SYNM: variants seen among roughly 807,000 people sequenced by gnomAD.
SYNM encodes the protein desmuslin.
A neutral mutation model predicts 104.0 loss-of-function variants in SYNM; 95 were observed. That is an observed-to-expected ratio of 0.91 (90% CI 0.77 to 1.08). The LOEUF (loss-of-function observed/expected upper bound fraction) is 1.08, where lower values mean the gene tolerates loss of function less well. SYNM is among the 50% of genes least tolerant of loss of function. SYNM has a pLI of 0.00. For synonymous variants in SYNM, 918 were observed against 869.0 expected, an observed-to-expected ratio of 1.06 and a Z score of -0.99; for missense variants, 2,150 against 2,052.2, an observed-to-expected ratio of 1.05 and a Z score of -0.92.
chr15:99,129,840 G>C lies in SYNM; in HGVS notation c.1480G>C (p.Val494Leu). ...SESTRSNERT[V>L]ILGKKTEVKA... ...AAGCACACGGTCAAATGAGAGGACCGTCATTCTGGGAAAGAAAACAGAAGT... is the reference window on the plus strand; with the variant it reads ...AAGCACACGGTCAAATGAGAGGACCCTCATTCTGGGAAAGAAAACAGAAGT... The change falls in exon 4 of 4, where the codon GTC becomes CTC. Residue 494 changes from valine to leucine, a missense_variant. Val to Leu is a conservative substitution (Grantham distance 32). Coordinates refer to ENST00000336292, the MANE Select transcript of SYNM (RefSeq NM_145728.3). 4.3e-6 allele frequency: 7 copies of C among 1,613,590 alleles called. No individual in the cohort carries two copies. The highest frequency in any genetic ancestry group is 5.9e-6 in the Non-Finnish European group (7 of 1,179,818).
chr15:99,125,492 G>A (rs1670229), intron 2 of SYNM, among the ~76,000 whole-genome samples: 18,739 of 152,248 alleles, frequency 0.12, 1,283 homozygotes, highest in East Asian at 0.28. Flanking sequence ...CAGTCACTGC[G>A]CCGGGGCAGG....
rs782032860 is a variant in SYNM, at chr15:99,105,896, G to A, written c.697G>A (p.Glu233Lys). 12 of 1,535,856 alleles carry A rather than the reference G, an allele frequency of 7.8e-6. No homozygotes were observed. The East Asian group carries it at 2.5e-4, about 32-fold the overall frequency. ...AEEETRLCAQEAEALRREALG... is the reference protein window; with the variant it reads ...AEEETRLCAQKAEALRREALG... The stretch of plus-strand genomic sequence containing the variant: ...GGAAGAGACGCGGCTGTGCGCGCAG[G>A]AGGCAGAGGCGCTGCGGCGCGAGGC... Residue 233 changes from glutamate to lysine, a missense_variant, in exon 1 of 4, where the codon GAG becomes AAG. Physicochemically the swap from Glu to Lys is moderately conservative, Grantham distance 56. Coordinates refer to ENST00000336292, the MANE Select transcript of SYNM (RefSeq NM_145728.3).
At position 99,105,885 on chromosome 15, in the gene SYNM, T is replaced by C. The variant is rs1264088985; in HGVS notation, c.686T>C (p.Leu229Pro). The C allele has an allele frequency of 9.7e-6, 15 of 1,538,588 alleles. No individual in the cohort carries two copies. The African/African-American group carries it at 1.9e-4, about 20-fold the overall frequency. ...CTCCAGGCGGAGGAAGAGACGCGGCTGTGCGCGCAGGAGGCAGAGGCGCTG... is the reference window on the plus strand; with the variant it reads ...CTCCAGGCGGAGGAAGAGACGCGGCCGTGCGCGCAGGAGGCAGAGGCGCTG... ...SRLQAEEETR[L>P]CAQEAEALRR... The change falls in exon 1 of 4, where the codon CTG becomes CCG. Residue 229 changes from leucine to proline, a missense_variant. Transcript: ENST00000336292.
chr15:99,113,076 A>T (rs1194009628), intron 1 of SYNM, among the ~76,000 whole-genome samples: 1 of 152,222 alleles, frequency 6.6e-6, no homozygotes, highest in Non-Finnish European at 1.5e-5. Flanking sequence ...TTCTCCCCAG[A>T]TGATCTTAAA....
downstream of SYNM, chr15:99,139,349 C>CAG: frequency 6.2e-7 from 1 of 1,613,862 alleles, no homozygotes. Flanking sequence ...GCTGGGTGGC[C>CAG]AGAGTCCTTT....
At position 99,131,269 on chromosome 15, in the gene SYNM, C is replaced by T. The variant is rs781789534; in HGVS notation, c.2909C>T (p.Ala970Val). Reference protein sequence around the residue: ...LPERMREELSALTREGQGGPG... With the variant: ...LPERMREELSVLTREGQGGPG... ...GAGCGCATGAGGGAGGAGCTGTCCG[C>T]CCTCACCAGAGAGGGGCAGGGTGGG... is the stretch of plus-strand genomic sequence containing the variant. Residue 970 changes from alanine to valine, a missense_variant, in exon 4 of 4, where the codon GCC becomes GTC. By Grantham distance (64) the Ala-to-Val change is moderately conservative (BLOSUM62 0). Coordinates refer to ENST00000336292, the MANE Select transcript of SYNM (RefSeq NM_145728.3). The surrounding 1 kb of genome is among the most constrained non-coding windows in gnomAD (Gnocchi z 4.3). 1.6e-5 allele frequency: 26 copies of T among 1,611,512 alleles called. No homozygotes were observed. The highest frequency in any genetic ancestry group is 5.3e-5 in the African/African-American group (4 of 74,894).
At chr15:99,119,925 C>A (rs1443434786) in intron 2 of SYNM, among the ~76,000 whole-genome samples, 1 of 152,216 alleles carries the variant, frequency 6.6e-6, no homozygotes, top group Non-Finnish European at 1.5e-5. Flanking sequence ...ATCTTACTTT[C>A]TGATGCATTC....
chr15:99,134,305 T>G lies in SYNM; in HGVS notation c.*1247T>G, dbSNP rs2067542227. Reference sequence around the variant, plus strand: ...GCCTGGGGGGCGAGAAAGGCCCCCATGCTCATGGGCCGCGGAGTGTGGACC... The same window carrying G: ...GCCTGGGGGGCGAGAAAGGCCCCCAGGCTCATGGGCCGCGGAGTGTGGACC... On this transcript the variant is annotated 3_prime_UTR_variant, in exon 4 of 4. Transcript: ENST00000336292. The G allele has an allele frequency of 6.6e-6, 1 of 151,372 alleles. No homozygotes were observed. Among genetic ancestry groups the G allele is most frequent in the Non-Finnish European group, 1.5e-5 (1 of 67,924 alleles). 9.4% of individuals were successfully genotyped at this position (151,372 alleles called of 1,614,324 possible).
rs782099454 is a variant in SYNM at position 99,130,488 on chromosome 15, A to G, written c.2128A>G (p.Lys710Glu). 1 of 1,613,784 alleles carries G rather than the reference A, an allele frequency of 6.2e-7. No individual in the cohort carries two copies. Among genetic ancestry groups the G allele is most frequent in the Non-Finnish European group, 8.5e-7 (1 of 1,179,890 alleles). Residue 710 changes from lysine (K) to glutamate (E), a missense_variant, in exon 4 of 4, where the codon AAG (lysine) becomes GAG (glutamate). Transcript: ENST00000336292. ...DEAGLDYLLS[K>E]DIKEVGLKGK... is the part of the protein sequence containing the mutation. ...AGCTGGCCTGGACTACCTTTTAAGC[A>G]AGGATATTAAGGAAGTGGGGCTGAA...
intron 3 of SYNM, among the ~76,000 whole-genome samples, chr15:99,127,124 C>G (rs1306582088): frequency 6.6e-6 from 1 of 152,178 alleles, no homozygotes; most frequent in Non-Finnish European, 1.5e-5. Context: ...GACACTCCTT[C>G]CATTTCCAGA....
rs1318127188 is a variant in SYNM, at chr15:99,105,301, C to G, written c.102C>G (p.Arg34=). 1.3e-6 allele frequency: 2 copies of G among 1,548,812 alleles called. No homozygotes were observed. The highest frequency in any genetic ancestry group is 1.7e-6 in the Non-Finnish European group (2 of 1,147,806). The change falls in exon 1 of 4, where the codon CGC becomes CGG. Residue 34 remains arginine, a synonymous_variant. Transcript: ENST00000336292. ...DYVCRVRELE[R]ENLLLEEELR... ...TGTGTCGGGTGCGGGAGCTGGAGCG[C>G]GAAAACCTACTCCTGGAGGAGGAGC...
At position 99,134,903 on chromosome 15, in the gene SYNM, G is replaced by A. The variant is rs1284202618; in HGVS notation, c.*1845G>A. 1 of 152,234 alleles carries A rather than the reference G, an allele frequency of 6.6e-6. No homozygotes were observed. The highest frequency in any genetic ancestry group is 2.4e-5 in the African/African-American group (1 of 41,446). The allele number at this position is 152,234 out of a possible 1,614,324, so 9.4% of individuals were successfully genotyped here. On this transcript the variant is annotated 3_prime_UTR_variant, in exon 4 of 4. Transcript: ENST00000336292. Reference sequence around the variant, plus strand: ...GGTATGGAGGTGACTGCTTTGTAAGGTTTTGTCGTTTCTAATACAGACAGA... The same window carrying A: ...GGTATGGAGGTGACTGCTTTGTAAGATTTTGTCGTTTCTAATACAGACAGA...
chr15:99,139,716 C>A (rs1396221413), downstream of SYNM: 8 of 1,355,746 alleles, frequency 5.9e-6, no homozygotes, highest in Admixed American at 1.6e-4. Context: ...GCTCCAGTTT[C>A]TATTTTTAAA....
downstream of SYNM, chr15:99,137,155 T>C (rs2067655136): frequency 6.6e-6 from 1 of 152,330 alleles, no homozygotes; most frequent in Non-Finnish European, 1.5e-5. Context: ...ATCTCCTCGT[T>C]GACATCGTGG....
chr15:99,133,137 C>T lies in SYNM; in HGVS notation c.*79C>T. 6.4e-7 allele frequency: 1 copy of T among 1,559,568 alleles called. No individual in the cohort carries two copies. The stretch of plus-strand genomic sequence containing the variant: ...AAAGGCCTTAACTTATTTTAAGAGG[C>T]CGAGGGAGTCTATGAAAATCTCCCC... On this transcript the variant is annotated 3_prime_UTR_variant, in exon 4 of 4. Coordinates refer to ENST00000336292, the MANE Select transcript of SYNM (RefSeq NM_145728.3).
downstream of SYNM, chr15:99,140,236 G>T: frequency 6.5e-6 from 1 of 153,332 alleles, no homozygotes; most frequent in Non-Finnish European, 1.5e-5. Flanking sequence ...TGGGTACTGG[G>T]ACCGCTGGTT....
In SYNM at chr15:99,130,329, G is replaced by T. The variant is rs1567283249; in HGVS notation, c.1969G>T (p.Glu657Ter). The T allele has an allele frequency of 6.2e-7, 1 of 1,613,848 alleles. No homozygotes were observed. Among genetic ancestry groups the T allele is most frequent in the Admixed American group, 1.7e-5 (1 of 59,992 alleles). Residue 657 changes from glutamate (E) to a stop codon, truncating the protein, a stop_gained, in exon 4 of 4, where the codon GAA becomes TAA. Transcript: ENST00000336292. LOFTEE classifies it high-confidence loss of function. Reference sequence around the variant, plus strand: ...GCAGTTCACTCAGTCTCCAGAGACAGAAGCATCTGCTGATTCTTTTCCAGA... The same window carrying T: ...GCAGTTCACTCAGTCTCCAGAGACATAAGCATCTGCTGATTCTTTTCCAGA... ...LKQFTQSPET[E>*]ASADSFPDTK...
intron 3 of SYNM, among the ~76,000 whole-genome samples, chr15:99,128,591 C>T (rs1466773495): frequency 2.6e-5 from 4 of 152,310 alleles, no homozygotes; most frequent in East Asian, 1.9e-4. Context: ...GGGGCACTCT[C>T]GGGGTGGACG....
At chr15:99,140,041 G>A, downstream of SYNM, 1 of 224,012 alleles carries the variant, frequency 4.5e-6, no homozygotes. Context: ...GTGGAGAGGT[G>A]GAGGAACTTG....
Sources: gnomAD v4.1 joint callset for allele counts (sites outside exome capture counted in the v4.1 genomes callset) on GRCh38, gnomAD v4.1.1 for gene constraint, Gnocchi (gnomAD v3.1) non-coding constraint, MANE v1.5 for transcripts, NCBI Gene and HGNC (gene_info 2026-07-23, HGNC 2026-07-21) for gene names.